The following WAC variants were observed in gnomAD, a reference collection of about 807,000 sequenced individuals.
The protein encoded by WAC is WW domain containing adaptor with coiled-coil.
Under a neutral mutation model 79.6 loss-of-function variants are expected in WAC, and 11 were observed. The observed-to-expected ratio is 0.14, with a 90% confidence interval of 0.09 to 0.23. WAC has a LOEUF of 0.23. Ranked by LOEUF, WAC falls within the 10% of genes least tolerant of loss-of-function variation. The pLI is 1.00. For missense variants in WAC, 728 were observed against 773.5 expected, an observed-to-expected ratio of 0.94 and a Z score of 0.70; for synonymous variants, 304 against 276.9, an observed-to-expected ratio of 1.10 and a Z score of -0.97.
chr10:28,602,185 G>A (rs982021258), intron 7 of WAC, among the ~76,000 whole-genome samples: 1 of 152,198 alleles, frequency 6.6e-6, no homozygotes, highest in Non-Finnish European at 1.5e-5. Context: ...ATGTGGGAGT[G>A]TGTAAGTGGG....
intron 3 of WAC, among the ~76,000 whole-genome samples, chr10:28,580,065 T>A (rs1291977835): frequency 6.6e-6 from 1 of 152,224 alleles, no homozygotes; most frequent in Non-Finnish European, 1.5e-5. Flanking sequence ...TAAGTAAATC[T>A]CCATAGAATG....
chr10:28,550,879 C>G (rs1316766165), intron 3 of WAC, among the ~76,000 whole-genome samples: 1 of 152,080 alleles, frequency 6.6e-6, no homozygotes, highest in Non-Finnish European at 1.5e-5. Flanking sequence ...CTTAAGTAGC[C>G]CGGCTGGTTA....
At chr10:28,597,251 A>G (rs1213300719) in intron 7 of WAC, among the ~76,000 whole-genome samples, 1 of 152,188 alleles carries the variant, frequency 6.6e-6, no homozygotes, top group Admixed American at 6.5e-5. Flanking sequence ...ACCCTGTGAC[A>G]TATTTGCAAA....
chr10:28,547,166 T>C (rs946842184), intron 3 of WAC, among the ~76,000 whole-genome samples: 2 of 152,234 alleles, frequency 1.3e-5, no homozygotes, highest in African/African-American at 2.4e-5. Context: ...GGGATTATTT[T>C]ATAGCATAGT....
intron 3 of WAC, among the ~76,000 whole-genome samples, chr10:28,567,429 C>T (rs949896410): frequency 6.6e-6 from 1 of 151,872 alleles, no homozygotes; most frequent in Non-Finnish European, 1.5e-5. Flanking sequence ...TAATCTGAGG[C>T]CAGGTTAAGG....
At chr10:28,600,212 G>T (rs1840572385) in intron 7 of WAC, among the ~76,000 whole-genome samples, 1 of 135,192 alleles carries the variant, frequency 7.4e-6, no homozygotes, top group South Asian at 2.6e-4. Context: ...GTATGAACAT[G>T]TGTAAATAAT....
chr10:28,620,362 T>C lies in WAC; in HGVS notation c.*756T>C, dbSNP rs1421733298. 1 of 46,186 alleles carries C rather than the reference T, an allele frequency of 2.2e-5. No individual in the cohort carries two copies. Among genetic ancestry groups the C allele is most frequent in the Non-Finnish European group, 4.0e-5 (1 of 24,998 alleles). The allele number at this position is 46,186 out of a possible 1,614,324, so 2.9% of individuals were successfully genotyped here. On this transcript the variant is annotated 3_prime_UTR_variant, in exon 14 of 14. Transcript: ENST00000354911. ...TTTGTATAAATTATTGAAATCCATT[T>C]GCACCCTGTTAAGAATGGACTTAAA...
At chr10:28,541,413 GTGTTTTGTTTTT>G (rs1199333796) in intron 3 of WAC, among the ~76,000 whole-genome samples, 2 of 50,738 alleles carry the variant, frequency 3.9e-5, no homozygotes, top group African/African-American at 1.2e-4. Context: ...GTGTGTGTGT[GTGTTTTGTTTTT>G]TTTTTTTTTT....
chr10:28,594,510 C>T (rs1043202128), intron 6 of WAC, among the ~76,000 whole-genome samples: 1 of 152,134 alleles, frequency 6.6e-6, no homozygotes, highest in African/African-American at 2.4e-5. Context: ...ATTTATAACA[C>T]GGAATTTTAT....
At chr10:28,570,980 G>A (rs1363201177) in intron 3 of WAC, among the ~76,000 whole-genome samples, 1 of 89,166 alleles carries the variant, frequency 1.1e-5, no homozygotes. Flanking sequence ...TTTTTGAGTT[G>A]GAGTCTCACT....
intron 7 of WAC, among the ~76,000 whole-genome samples, chr10:28,598,721 A>G (rs768521967): frequency 6.6e-6 from 1 of 152,238 alleles, no homozygotes; most frequent in Admixed American, 6.5e-5. Context: ...ACCAAATGTA[A>G]TGAAAGACAT....
chr10:28,541,446 T>TTTA (rs1837041524), intron 3 of WAC, among the ~76,000 whole-genome samples: 2 of 135,968 alleles, frequency 1.5e-5, no homozygotes, highest in Non-Finnish European at 3.1e-5. Flanking sequence ...TTTTTTTTTT[T>TTTA]AAGACAGTCT....
chr10:28,605,898 G>A (rs1037197755), intron 7 of WAC, among the ~76,000 whole-genome samples: 1 of 152,162 alleles, frequency 6.6e-6, no homozygotes, highest in Non-Finnish European at 1.5e-5. Flanking sequence ...CATGCAGTAA[G>A]TAGAAATAAA....
At chr10:28,562,276 C>A (rs765170362) in intron 3 of WAC, among the ~76,000 whole-genome samples, 1 of 152,088 alleles carries the variant, frequency 6.6e-6, no homozygotes, top group Non-Finnish European at 1.5e-5. Flanking sequence ...AGGCTGGTCT[C>A]GAACTCTGAC....
intron 3 of WAC, among the ~76,000 whole-genome samples, chr10:28,557,930 C>T (rs754052117): frequency 1.6e-4 from 24 of 151,412 alleles, no homozygotes; most frequent in African/African-American, 2.4e-4. Context: ...AAAAATTAGC[C>T]GGGTGTGGTG....
intron 8 of WAC, among the ~76,000 whole-genome samples, chr10:28,609,880 A>T (rs1053001348): frequency 1.3e-5 from 2 of 152,098 alleles, no homozygotes; most frequent in African/African-American, 4.8e-5. Flanking sequence ...GTTAATGTCA[A>T]TAATAAAATA....
intron 7 of WAC, among the ~76,000 whole-genome samples, chr10:28,596,247 T>C (rs1344970586): frequency 1.3e-5 from 2 of 152,228 alleles, no homozygotes; most frequent in Non-Finnish European, 2.9e-5. Flanking sequence ...CAGAACTGTT[T>C]CTTGCCTCTG....
chr10:28,557,016 A>G (rs547198965), intron 3 of WAC, among the ~76,000 whole-genome samples: 33 of 151,750 alleles, frequency 2.2e-4, no homozygotes, highest in Non-Finnish European at 3.8e-4. Flanking sequence ...TTCTTTCTCA[A>G]AATGCTTAGC....
rs1217547343 is a variant in WAC at position 28,621,664 on chromosome 10, G to C, written c.*2058G>C. 1 of 152,174 alleles carries C rather than the reference G, an allele frequency of 6.6e-6. No individual in the cohort carries two copies. The highest frequency in any genetic ancestry group is 1.9e-4 in the East Asian group (1 of 5,198). The allele number at this position is 152,174 out of a possible 1,614,324, so 9.4% of individuals were successfully genotyped here. ...TGTGTGTTCAGCTAGAAACCTTACT[G>C]TATCTTTCCTGGAAAGAAGTGAGCA... is the stretch of plus-strand genomic sequence containing the variant. On this transcript the variant is annotated 3_prime_UTR_variant, in exon 14 of 14. Transcript: ENST00000354911.
Sources: gnomAD v4.1 joint callset for allele counts (sites outside exome capture counted in the v4.1 genomes callset) on GRCh38, gnomAD v4.1.1 for gene constraint, MANE v1.5 for transcripts, NCBI Gene and HGNC (gene_info 2026-07-23, HGNC 2026-07-21) for gene names.